ITFG1: variants seen among roughly 807,000 people sequenced by gnomAD.
ITFG1 encodes the protein integrin alpha FG-GAP repeat containing 1.
A neutral mutation model predicts 81.8 loss-of-function variants in ITFG1; 34 were observed. That is an observed-to-expected ratio of 0.42 (90% CI 0.32 to 0.55). ITFG1 has a LOEUF of 0.55. Ranked by LOEUF, ITFG1 falls within the 20% of genes least tolerant of loss-of-function variation. ITFG1 has a pLI of 0.17. For synonymous variants in ITFG1, 285 were observed against 270.6 expected (o/e 1.05, Z -0.52); for missense variants, 672 against 755.4 (o/e 0.89, Z 1.29).
intron 12 of ITFG1, among the ~76,000 whole-genome samples, chr16:47,241,067 G>GTA (rs1965927872): frequency 7.0e-6 from 1 of 142,626 alleles, no homozygotes; most frequent in Non-Finnish European, 1.5e-5. Flanking sequence ...GGTTAAGATG[G>GTA]TAAAAAAAAA....
chr16:47,244,606 T>C (rs1567433985), intron 12 of ITFG1, among the ~76,000 whole-genome samples: 3 of 91,138 alleles, frequency 3.3e-5, no homozygotes, highest in African/African-American at 2.3e-4. Flanking sequence ...TGTGTGTGTG[T>C]GTGTGTGTGT....
intron 10 of ITFG1, among the ~76,000 whole-genome samples, chr16:47,261,221 C>T (rs1334366714): frequency 6.6e-6 from 1 of 152,146 alleles, no homozygotes; most frequent in Non-Finnish European, 1.5e-5. Context: ...ACTCTAGAGG[C>T]AAAGTATTTA....
At chr16:47,291,761 C>A (rs1193584718) in intron 10 of ITFG1, among the ~76,000 whole-genome samples, 1 of 152,070 alleles carries the variant, frequency 6.6e-6, no homozygotes, top group African/African-American at 2.4e-5. Context: ...TTATTTCATT[C>A]ATTGAGTAAT....
intron 5 of ITFG1, among the ~76,000 whole-genome samples, chr16:47,430,318 G>A (rs1337507786): frequency 1.3e-5 from 2 of 151,762 alleles, no homozygotes; most frequent in Non-Finnish European, 2.9e-5. Context: ...CACCCGCCTC[G>A]GCCTCCCAAA....
At chr16:47,429,441 T>C (rs1596978308) in intron 5 of ITFG1, among the ~76,000 whole-genome samples, 2 of 152,370 alleles carry the variant, frequency 1.3e-5, no homozygotes, top group South Asian at 4.1e-4. Context: ...TAATTCTTTT[T>C]GGTATATACC....
At chr16:47,222,436 C>T (rs148350956) in intron 13 of ITFG1, among the ~76,000 whole-genome samples, 2,004 of 135,732 alleles carry the variant, frequency 0.015, 53 homozygotes, top group African/African-American at 0.053. Context: ...TTTTTTGAGA[C>T]GAAGTCTCGC....
chr16:47,451,101 C>T lies in ITFG1; in HGVS notation c.560+295G>A, dbSNP rs531210179. 2.1e-4 allele frequency among the ~76,000 whole-genome samples: 32 copies of T among 152,226 alleles called. No homozygotes were observed. The South Asian group carries it at 6.4e-3, about 31-fold the overall frequency. ...AGGATCCACTCAAGACTGCAGGTAT[C>T]CTCCCTATTTACGTGAAATCTATCC... On this transcript the variant is annotated intron_variant, in intron 5 of 17. Transcript: ENST00000320640.
At chr16:47,225,140 A>G (rs1289995620) in intron 13 of ITFG1, among the ~76,000 whole-genome samples, 6 of 152,230 alleles carry the variant, frequency 3.9e-5, no homozygotes. Context: ...ACAATACAAT[A>G]ACTGAAATGA....
intron 12 of ITFG1, among the ~76,000 whole-genome samples, chr16:47,243,828 C>G (rs781383020): frequency 6.6e-6 from 1 of 152,106 alleles, no homozygotes; most frequent in Non-Finnish European, 1.5e-5. Context: ...ATTAGGAATT[C>G]GAGACCAGCC....
chr16:47,317,854 T>C (rs1371838109), intron 8 of ITFG1: 4 of 152,224 alleles, frequency 2.6e-5, no homozygotes, highest in South Asian at 2.1e-4. Context: ...TCCCTTCCTT[T>C]TGAACACTGC....
chr16:47,347,211 G>T (rs572558125), intron 8 of ITFG1, among the ~76,000 whole-genome samples: 1 of 152,374 alleles, frequency 6.6e-6, no homozygotes, highest in Admixed American at 6.5e-5. Flanking sequence ...GACAGTGGGT[G>T]CAGCGCACTG....
chr16:47,332,970 TTTAA>T (rs1336032249), intron 8 of ITFG1, among the ~76,000 whole-genome samples: 11 of 152,318 alleles, frequency 7.2e-5, no homozygotes, highest in Non-Finnish European at 1.0e-4. Context: ...ATAAACATAC[TTTAA>T]TTGTGTTCAT....
At chr16:47,270,614 GCTGA>G (rs1966328154) in intron 10 of ITFG1, among the ~76,000 whole-genome samples, 1 of 152,212 alleles carries the variant, frequency 6.6e-6, no homozygotes, top group African/African-American at 2.4e-5. Flanking sequence ...AATGTTCACA[GCTGA>G]CTATTTGTAG....
intron 10 of ITFG1, among the ~76,000 whole-genome samples, chr16:47,307,091 C>T (rs557117721): frequency 4.2e-4 from 1 of 2,358 alleles, no homozygotes; most frequent in Non-Finnish European, 7.0e-4. Flanking sequence ...AAAACTCCGT[C>T]TCAAAAAAAA....
At chr16:47,348,392 C>A (rs182543434) in intron 8 of ITFG1, among the ~76,000 whole-genome samples, 27 of 152,296 alleles carry the variant, frequency 1.8e-4, no homozygotes, top group African/African-American at 6.0e-4. Flanking sequence ...GAAAACCATG[C>A]ACAAGAACTA....
At chr16:47,390,527 C>T (rs1968516734) in intron 6 of ITFG1, among the ~76,000 whole-genome samples, 3 of 152,086 alleles carry the variant, frequency 2.0e-5, no homozygotes, top group South Asian at 2.1e-4. Context: ...GGTGCGATCT[C>T]GGTTCACTGC....
intron 8 of ITFG1, among the ~76,000 whole-genome samples, chr16:47,330,276 C>CAT (rs1301302572): frequency 1.3e-5 from 2 of 151,876 alleles, no homozygotes; most frequent in Admixed American, 1.3e-4. Flanking sequence ...TACCTCTTAC[C>CAT]ATATATAAAA....
At chr16:47,331,492 T>C (rs1174363209) in intron 8 of ITFG1, among the ~76,000 whole-genome samples, 1 of 151,996 alleles carries the variant, frequency 6.6e-6, no homozygotes, top group Non-Finnish European at 1.5e-5. Context: ...AATTAACAAT[T>C]AAATAAAACA....
chr16:47,439,619 A>C lies in ITFG1; in HGVS notation c.561-10721T>G, dbSNP rs557990742. On this transcript the variant is annotated intron_variant, in intron 5 of 17. Transcript: ENST00000320640. ...AAGTGAAGGAGAAATAAAATACTTTACAGACAAGCAAATGCTGAGAGATTT... is the reference window on the plus strand; with the variant it reads ...AAGTGAAGGAGAAATAAAATACTTTCCAGACAAGCAAATGCTGAGAGATTT... Among the ~76,000 whole-genome samples the C allele has an allele frequency of 3.5e-4, 54 of 152,346 alleles. 1 individual carries two copies. The highest frequency in any genetic ancestry group is 1.2e-3 in the South Asian group (6 of 4,832).
Sources: allele counts gnomAD v4.1 joint callset (sites outside exome capture counted in the v4.1 genomes callset), GRCh38; gene constraint gnomAD v4.1.1; transcripts MANE v1.5; gene names NCBI Gene and HGNC (gene_info 2026-07-23, HGNC 2026-07-21).